The following PTPRK variants were observed in gnomAD, a reference collection of about 807,000 sequenced individuals.
PTPRK encodes the protein protein tyrosine phosphatase receptor type K.
PTPRK carries 75 observed loss-of-function variants against 178.0 expected under a neutral mutation model. The observed-to-expected ratio is 0.42, with a 90% CI of 0.35 to 0.51. The LOEUF is 0.51. Among genes scored for constraint, PTPRK ranks in the 20% least tolerant of loss-of-function variants. PTPRK has a pLI of 0.02. For missense variants in PTPRK, 1,441 were observed against 1,797.8 expected (o/e 0.80, Z 3.59); for synonymous variants, 637 against 620.6 (o/e 1.03, Z -0.39).
At chr6:128,111,749 C>G (rs947919191) in intron 7 of PTPRK, among the ~76,000 whole-genome samples, 1 of 152,004 alleles carries the variant, frequency 6.6e-6, no homozygotes, top group East Asian at 1.9e-4. Context: ...TTATTTGATT[C>G]CATATCTTCT....
At chr6:128,004,911 C>A in intron 15 of PTPRK, 173 bp downstream of exon 15, 1 of 598,268 alleles carries the variant, frequency 1.7e-6, no homozygotes, top group Non-Finnish European at 2.8e-6. Flanking sequence ...CAGTATCAAT[C>A]TTGATGAGAA....
intron 1 of PTPRK, among the ~76,000 whole-genome samples, chr6:128,455,062 A>G (rs1331062751): frequency 6.6e-6 from 1 of 152,186 alleles, no homozygotes; most frequent in African/African-American, 2.4e-5. Flanking sequence ...AAAACAAACT[A>G]TTCTAAGTAA....
intron 3 of PTPRK, among the ~76,000 whole-genome samples, chr6:128,275,986 A>G (rs1013942592): frequency 6.6e-6 from 1 of 152,006 alleles, no homozygotes; most frequent in African/African-American, 2.4e-5. Flanking sequence ...TGCCTACTTT[A>G]TAGACTTTTC....
intron 3 of PTPRK, among the ~76,000 whole-genome samples, chr6:128,244,338 C>T (rs1017036850): frequency 2.6e-5 from 4 of 151,894 alleles, no homozygotes; most frequent in Non-Finnish European, 5.9e-5. Context: ...AGGGAATAAG[C>T]GACTAATTTG....
chr6:128,433,400 T>C (rs1054708393), intron 1 of PTPRK, among the ~76,000 whole-genome samples: 1 of 152,212 alleles, frequency 6.6e-6, no homozygotes, highest in Non-Finnish European at 1.5e-5. Flanking sequence ...GCCTGGCATA[T>C]TTCACTTACC....
intron 5 of PTPRK, chr6:128,238,185 C>CAAAAAAAAAAAAAAAAAGAAAAA: frequency 4.9e-6 from 1 of 203,784 alleles, no homozygotes; most frequent in Non-Finnish European, 9.2e-6. Context: ...TAGCAAACGC[C>CAAAAAAAAAAAAAAAAAGAAAAA]AAAAAAAAAA....
intron 3 of PTPRK, among the ~76,000 whole-genome samples, chr6:128,274,203 T>C (rs1398885416): frequency 4.6e-5 from 7 of 152,160 alleles, no homozygotes; most frequent in Admixed American, 4.6e-4. Context: ...GTTTTAAAAT[T>C]ATAACACTAA....
intron 7 of PTPRK, among the ~76,000 whole-genome samples, chr6:128,116,505 A>G (rs1259370385): frequency 6.6e-6 from 1 of 152,250 alleles, no homozygotes; most frequent in African/African-American, 2.4e-5. Context: ...AGAGGGACAG[A>G]TAAGATTTGG....
chr6:128,287,943 T>A (rs1822774183), intron 3 of PTPRK, among the ~76,000 whole-genome samples: 1 of 152,152 alleles, frequency 6.6e-6, no homozygotes, highest in Non-Finnish European at 1.5e-5. Flanking sequence ...TGTCCAAACA[T>A]TCTCTTCTTA....
chr6:128,124,418 G>C (rs1179850194), intron 7 of PTPRK, among the ~76,000 whole-genome samples: 1 of 152,036 alleles, frequency 6.6e-6, no homozygotes. Context: ...TAACACATTA[G>C]ATATTACATA....
At chr6:128,350,265 C>A (rs1832953077) in intron 2 of PTPRK, among the ~76,000 whole-genome samples, 1 of 152,096 alleles carries the variant, frequency 6.6e-6, no homozygotes, top group African/African-American at 2.4e-5. Context: ...TTAAAGGTAG[C>A]AATCAGGGTC....
chr6:128,232,654 A>C (rs1212355594), intron 5 of PTPRK, among the ~76,000 whole-genome samples: 2 of 152,202 alleles, frequency 1.3e-5, no homozygotes, highest in African/African-American at 4.8e-5. Context: ...CTTACATTAC[A>C]AGGTAGTAAA....
chr6:128,223,029 AG>A (rs1278209280), intron 5 of PTPRK, among the ~76,000 whole-genome samples: 1 of 152,116 alleles, frequency 6.6e-6, no homozygotes, highest in African/African-American at 2.4e-5. Context: ...ACTCTATAAA[AG>A]ATTATAAAAA....
chr6:128,503,330 A>G (rs1855838216), intron 1 of PTPRK, among the ~76,000 whole-genome samples: 1 of 152,176 alleles, frequency 6.6e-6, no homozygotes, highest in South Asian at 2.1e-4. Context: ...TTTTGTGCCC[A>G]TTCATAAGGA....
intron 1 of PTPRK, among the ~76,000 whole-genome samples, chr6:128,469,089 CA>C (rs745481996): frequency 1.3e-5 from 2 of 152,054 alleles, no homozygotes; most frequent in Non-Finnish European, 2.9e-5. Flanking sequence ...AAAAAAAGAT[CA>C]CTATATCCAT....
chr6:128,168,019 T>C (rs1282731120), intron 7 of PTPRK, among the ~76,000 whole-genome samples: 1 of 152,090 alleles, frequency 6.6e-6, no homozygotes, highest in Non-Finnish European at 1.5e-5. Flanking sequence ...AAAAATCTTA[T>C]TTAAAACATT....
At chr6:128,487,660 A>G (rs1853148617) in intron 1 of PTPRK, among the ~76,000 whole-genome samples, 1 of 152,134 alleles carries the variant, frequency 6.6e-6, no homozygotes, top group South Asian at 2.1e-4. Flanking sequence ...ATGATCTAAT[A>G]GTAACAGAGT....
At chr6:128,311,876 T>C (rs1827288075) in intron 3 of PTPRK, among the ~76,000 whole-genome samples, 2 of 152,140 alleles carry the variant, frequency 1.3e-5, no homozygotes, top group South Asian at 4.1e-4. Context: ...TTCCTTCCCA[T>C]TTAAGGGTCA....
chr6:128,307,103 A>C (rs538625707), intron 3 of PTPRK, among the ~76,000 whole-genome samples: 3 of 151,298 alleles, frequency 2.0e-5, no homozygotes, highest in Non-Finnish European at 4.4e-5. Context: ...GGTGATGTAC[A>C]TCAACATGGA....
Sources: gnomAD v4.1 joint callset for allele counts (sites outside exome capture counted in the v4.1 genomes callset) on GRCh38, gnomAD v4.1.1 for gene constraint, MANE v1.5 for transcripts, NCBI Gene and HGNC (gene_info 2026-07-23, HGNC 2026-07-21) for gene names.